The following GJA8 variants were observed in gnomAD, a reference collection of about 807,000 sequenced individuals.
GJA8 encodes gap junction alpha-8 protein.
GJA8 carries 13 observed loss-of-function variants against 15.3 expected under a neutral mutation model. The ratio of observed to expected loss-of-function variants is 0.85; its 90% CI spans 0.55 to 1.35. The LOEUF is 1.35. GJA8 is among the 40% of genes most tolerant of loss of function. The pLI, the probability that GJA8 is intolerant of heterozygous loss-of-function variation, is 0.00. For synonymous variants in GJA8, 304 were observed against 238.7 expected (o/e 1.27, Z -2.52); for missense variants, 607 against 553.3 (o/e 1.10, Z -0.97).
intron 1 of GJA8, among the ~76,000 whole-genome samples, chr1:147,905,433 A>G (rs1651752732): frequency 6.6e-6 from 1 of 152,374 alleles, no homozygotes; most frequent in African/African-American, 2.4e-5. Flanking sequence ...AGTGAAATAC[A>G]CTGTCAAAAA....
Position 147,908,591 on chromosome 1 carries a change from G to A in GJA8, c.636G>A (p.Val212=). The A allele has an allele frequency of 6.2e-7, 1 of 1,614,110 alleles. No homozygotes were observed. The highest frequency in any genetic ancestry group is 8.5e-7 in the Non-Finnish European group (1 of 1,180,030). ...KTIFILFMLS[V]ASVSLFLNVM... is the part of the protein sequence containing the mutation. ...TCTTCATCCTGTTCATGTTGTCTGTGGCCTCTGTGTCCCTATTCCTCAACG... is the reference window on the plus strand; with the variant it reads ...TCTTCATCCTGTTCATGTTGTCTGTAGCCTCTGTGTCCCTATTCCTCAACG... Residue 212 remains valine, a synonymous_variant, in exon 2 of 2, where the codon GTG becomes GTA. Transcript: ENST00000369235.
rs1553243036 is a variant in GJA8, at chr1:147,909,143, G to T, written c.1188G>T (p.Leu396=). ...PQSEKVSKQG[L]PAEKTPSLCP... ...CGGAGAAGGTGTCAAAGCAAGGGCT[G>T]CCAGCTGAGAAGACACCTTCACTCT... Residue 396 remains leucine (L), a synonymous_variant, in exon 2 of 2, where the codon CTG becomes CTT. Coordinates refer to ENST00000369235, the MANE Select transcript of GJA8 (RefSeq NM_005267.5). The T allele has an allele frequency of 6.2e-7, 1 of 1,613,910 alleles. No individual in the cohort carries two copies. Among genetic ancestry groups the T allele is most frequent in the Admixed American group, 1.7e-5 (1 of 59,994 alleles).
downstream of GJA8, among the ~76,000 whole-genome samples, chr1:147,910,359 G>A (rs1314848822): frequency 6.6e-6 from 1 of 152,148 alleles, no homozygotes; most frequent in Non-Finnish European, 1.5e-5. Flanking sequence ...ACTTGTTTCT[G>A]TGGCTCCTAA....
rs587685283 is a variant in GJA8 at position 147,902,813 on chromosome 1, G to A, written c.-60G>A. On this transcript the variant is annotated 5_prime_UTR_variant, in exon 1 of 2. Coordinates refer to ENST00000369235, the MANE Select transcript of GJA8 (RefSeq NM_005267.5). Reference sequence around the variant, plus strand: ...GAAAGTTGCCATTTTGCTGCTGAGCGCCAAGAGAGAAAGAGCACATATTTC... The same window carrying A: ...GAAAGTTGCCATTTTGCTGCTGAGCACCAAGAGAGAAAGAGCACATATTTC... 9.2e-5 allele frequency among the ~76,000 whole-genome samples: 14 copies of A among 152,300 alleles called. No homozygotes were observed. The highest frequency in any genetic ancestry group is 6.2e-4 in the South Asian group (3 of 4,824).
intron 1 of GJA8, among the ~76,000 whole-genome samples, chr1:147,903,801 G>C (rs1553241917): frequency 6.6e-6 from 1 of 152,192 alleles, no homozygotes; most frequent in Admixed American, 6.5e-5. Flanking sequence ...GTTTCACCAA[G>C]TTAAGTGTGT....
chr1:147,908,620 T>A lies in GJA8; in HGVS notation c.665T>A (p.Met222Lys). Residue 222 changes from methionine to lysine, a missense_variant, in exon 2 of 2, where the codon ATG (methionine) becomes AAG (lysine). Transcript: ENST00000369235. ...TCTGTGTCCCTATTCCTCAACGTGATGGAGTTGGGCCACCTGGGCCTGAAG... is the reference window on the plus strand; with the variant it reads ...TCTGTGTCCCTATTCCTCAACGTGAAGGAGTTGGGCCACCTGGGCCTGAAG... Reference protein sequence around the residue: ...VASVSLFLNVMELGHLGLKGI... With the variant: ...VASVSLFLNVKELGHLGLKGI... 1 of 1,614,052 alleles carries A rather than the reference T, an allele frequency of 6.2e-7. No individual in the cohort carries two copies. Among genetic ancestry groups the A allele is most frequent in the Non-Finnish European group, 8.5e-7 (1 of 1,180,008 alleles).
chr1:147,908,483 G>A lies in GJA8; in HGVS notation c.528G>A (p.Arg176=), dbSNP rs1236129318. 6.2e-7 allele frequency: 1 copy of A among 1,614,060 alleles called. No homozygotes were observed. The highest frequency in any genetic ancestry group is 1.3e-5 in the African/African-American group (1 of 74,916). The change falls in exon 2 of 2, where the codon CGG becomes CGA. Residue 176 remains arginine, a synonymous_variant. Transcript: ENST00000369235. ...GCCACTACTTCCTGTACGGGTTCCG[G>A]ATCCTGCCTCTGTACCGCTGCAGCC... is the stretch of plus-strand genomic sequence containing the variant. The part of the protein sequence containing the change: ...IVGHYFLYGF[R]ILPLYRCSRW...
At chr1:147,903,143 CTT>C (rs1383561597) in intron 1 of GJA8, among the ~76,000 whole-genome samples, 2 of 152,190 alleles carry the variant, frequency 1.3e-5, no homozygotes, top group Non-Finnish European at 2.9e-5. Context: ...TTCTTAAGCT[CTT>C]TTCATGTCTA....
intron 1 of GJA8, among the ~76,000 whole-genome samples, chr1:147,903,935 T>TC (rs1651697704): frequency 9.6e-3 from 1 of 104 alleles, no homozygotes; most frequent in South Asian, 0.25. Context: ...TTAATAACTC[T>TC]TTTTTTTTTT....
At chr1:147,911,999 A>G (rs782350405), downstream of GJA8, among the ~76,000 whole-genome samples, 1 of 152,164 alleles carries the variant, frequency 6.6e-6, no homozygotes. Context: ...TCCCAATAAA[A>G]GGAGAAGCCT....
rs1553242913 is a variant in GJA8 at position 147,908,916 on chromosome 1, C to A, written c.961C>A (p.Pro321Thr). The change falls in exon 2 of 2, where the codon CCT becomes ACT. Residue 321 changes from proline to threonine, a missense_variant. Physicochemically the swap from Pro to Thr is conservative, Grantham distance 38. Coordinates refer to ENST00000369235, the MANE Select transcript of GJA8 (RefSeq NM_005267.5). The stretch of plus-strand genomic sequence containing the variant: ...GTCCCGGGGCTACCAAGAGACACTG[C>A]CTTCCTACGCTCAGGTGGGGGCACA... Reference protein sequence around the residue: ...DLSRGYQETLPSYAQVGAQEV... With the variant: ...DLSRGYQETLTSYAQVGAQEV... 6.2e-7 allele frequency: 1 copy of A among 1,612,640 alleles called. No homozygotes were observed. The highest frequency in any genetic ancestry group is 1.3e-5 in the African/African-American group (1 of 74,854).
chr1:147,905,235 T>C (rs587624731), intron 1 of GJA8, among the ~76,000 whole-genome samples: 4 of 152,342 alleles, frequency 2.6e-5, no homozygotes, highest in Middle Eastern at 3.4e-3. Flanking sequence ...ATTAGAACCA[T>C]GCACTGCTGT....
In GJA8 at chr1:147,904,487, TA is replaced by T. The variant is rs782277999; in HGVS notation, c.-12+1627del. Among the ~76,000 whole-genome samples the T allele has an allele frequency of 3.9e-5, 6 of 152,166 alleles. No individual in the cohort carries two copies. The South Asian group carries it at 1.0e-3, about 26-fold the overall frequency. On this transcript the variant is annotated intron_variant, in intron 1 of 1. Transcript: ENST00000369235. Reference sequence around the variant, plus strand: ...TTTTCTGGTGGGATGTTCCTGGCCATATATGGACACCCTGGGGTTGGAGGCT... The same window carrying T: ...TTTTCTGGTGGGATGTTCCTGGCCATTATGGACACCCTGGGGTTGGAGGCT...
chr1:147,910,674 C>G (rs1553243355), downstream of GJA8, among the ~76,000 whole-genome samples: 1 of 152,104 alleles, frequency 6.6e-6, no homozygotes, highest in Admixed American at 6.5e-5. Context: ...TACCTTTTTT[C>G]ACTAGTGACT....
At chr1:147,914,170 C>T (rs1305341105), downstream of GJA8, among the ~76,000 whole-genome samples, 1 of 152,156 alleles carries the variant, frequency 6.6e-6, no homozygotes, top group African/African-American at 2.4e-5. Flanking sequence ...CCCATAGTCT[C>T]CAACGCCACT....
chr1:147,912,673 A>AT (rs1652213147), downstream of GJA8, among the ~76,000 whole-genome samples: 2 of 152,126 alleles, frequency 1.3e-5, no homozygotes, highest in African/African-American at 4.8e-5. Flanking sequence ...CCCTTGTTAG[A>AT]TAAAAACCCT....
At chr1:147,905,451 A>G (rs1256975233) in intron 1 of GJA8, among the ~76,000 whole-genome samples, 4 of 152,260 alleles carry the variant, frequency 2.6e-5, no homozygotes, top group Non-Finnish European at 5.9e-5. Context: ...AAATGAACTG[A>G]TATATCAATG....
In GJA8 at chr1:147,908,102, A is replaced by C; in HGVS notation, c.147A>C (p.Gln49His). 6.2e-7 allele frequency: 1 copy of C among 1,614,152 alleles called. No individual in the cohort carries two copies. The highest frequency in any genetic ancestry group is 1.3e-5 in the African/African-American group (1 of 75,028). Residue 49 changes from glutamine to histidine, a missense_variant, in exon 2 of 2, where the codon CAA (glutamine) becomes CAC (histidine). Transcript: ENST00000369235. The part of the protein sequence containing the change: ...TAAEFVWGDE[Q>H]SDFVCNTQQP... ...CAGAGTTCGTGTGGGGGGATGAGCA[A>C]TCCGACTTCGTGTGCAACACCCAGC...
At position 147,908,327 on chromosome 1, in the gene GJA8, G is replaced by T; in HGVS notation, c.372G>T (p.Pro124=). The change falls in exon 2 of 2, where the codon CCG becomes CCT. Residue 124 remains proline (P), a synonymous_variant. Coordinates refer to ENST00000369235, the MANE Select transcript of GJA8 (RefSeq NM_005267.5). The stretch of plus-strand genomic sequence containing the variant: ...AGCAGGCGGGGACTAACGGCGGCCC[G>T]GACCAGGGCAGCGTCAAGAAGAGCA... The part of the protein sequence containing the change: ...LGQQAGTNGG[P]DQGSVKKSSG... 6.2e-7 allele frequency: 1 copy of T among 1,614,188 alleles called. No individual in the cohort carries two copies.
Sources: gnomAD v4.1 joint callset for allele counts (sites outside exome capture counted in the v4.1 genomes callset) on GRCh38, gnomAD v4.1.1 for gene constraint, MANE v1.5 for transcripts, NCBI Gene and HGNC (gene_info 2026-07-23, HGNC 2026-07-21) for gene names.